The following IKZF2 variants were observed in gnomAD, a reference collection of about 807,000 sequenced individuals.
IKZF2 encodes the protein zinc finger protein Helios.
Under a neutral mutation model 49.2 loss-of-function variants are expected in IKZF2, and 15 were observed. That is an observed-to-expected ratio of 0.30 (90% CI 0.20 to 0.47). IKZF2 has a LOEUF of 0.47. Ranked by LOEUF, IKZF2 falls within the 20% of genes least tolerant of loss-of-function variation. IKZF2 has a pLI of 1.00. For synonymous variants in IKZF2, 227 were observed against 221.4 expected, an observed-to-expected ratio of 1.03 and a Z score of -0.23; for missense variants, 567 against 664.6, an observed-to-expected ratio of 0.85 and a Z score of 1.61.
At chr2:213,065,394 C>A (rs1702074988) in intron 4 of IKZF2, among the ~76,000 whole-genome samples, 1 of 152,022 alleles carries the variant, frequency 6.6e-6, no homozygotes, top group African/African-American at 2.4e-5. Flanking sequence ...TCATTCTATC[C>A]TTACACATAC....
At chr2:213,020,409 G>C (rs1697076710) in intron 7 of IKZF2, among the ~76,000 whole-genome samples, 1 of 151,850 alleles carries the variant, frequency 6.6e-6, no homozygotes, top group African/African-American at 2.4e-5. Flanking sequence ...CTCAAACCCA[G>C]CCTATGAGTG....
rs947481504 is a variant in IKZF2 at position 213,001,056 on chromosome 2, G to A, written c.*6304C>T. 2 of 151,644 alleles carry A rather than the reference G, an allele frequency of 1.3e-5. No homozygotes were observed. Among genetic ancestry groups the A allele is most frequent in the African/African-American group, 4.8e-5 (2 of 41,310 alleles). 9.4% of individuals were successfully genotyped at this position (151,644 alleles called of 1,614,324 possible). ...TTCTTTTTGTCATTAGCTAAAGGAA[G>A]AATAGGTCAGAAAAGAAAAAAAAAT... is the stretch of plus-strand genomic sequence containing the variant. On this transcript the variant is annotated 3_prime_UTR_variant, in exon 9 of 9. Coordinates refer to ENST00000434687, the MANE Select transcript of IKZF2 (RefSeq NM_001387220.1).
chr2:213,014,070 T>C, intron 7 of IKZF2, 136 bp from the exon 8 acceptor site: 4 of 702,546 alleles, frequency 5.7e-6, no homozygotes, highest in Non-Finnish European at 9.5e-6. Flanking sequence ...GAATACCCTC[T>C]AGTGTGAAAG....
Position 213,027,416 on chromosome 2 carries a change from G to A in IKZF2, c.575-5286C>T, listed in dbSNP as rs368291062. ...TCGTCTCACTTTTTATTTTGCTTGT[G>A]TTTCTGTATCCAGTGCCACTTACCC... On this transcript the variant is annotated intron_variant, in intron 6 of 8. Coordinates refer to ENST00000434687, the MANE Select transcript of IKZF2 (RefSeq NM_001387220.1). Among the ~76,000 whole-genome samples, 70 of 152,008 alleles carry A rather than the reference G, an allele frequency of 4.6e-4. 1 individual carries two copies. The South Asian group carries it at 0.013, about 29-fold the overall frequency.
intron 4 of IKZF2, among the ~76,000 whole-genome samples, chr2:213,129,969 G>C (rs2060419376): frequency 6.6e-6 from 1 of 152,154 alleles, no homozygotes; most frequent in African/African-American, 2.4e-5. Context: ...GAAATAAACT[G>C]AGAAAGAGAG....
intron 4 of IKZF2, among the ~76,000 whole-genome samples, chr2:213,101,594 C>T (rs945436074): frequency 6.6e-6 from 1 of 151,926 alleles, no homozygotes; most frequent in African/African-American, 2.4e-5. Context: ...CTTACCTAGG[C>T]TCCAAATTAA....
chr2:213,032,554 T>C (rs948921367), intron 6 of IKZF2, among the ~76,000 whole-genome samples: 1 of 152,042 alleles, frequency 6.6e-6, no homozygotes, highest in Non-Finnish European at 1.5e-5. Context: ...GGCAACATGA[T>C]GAAATCTCAT....
intron 4 of IKZF2, among the ~76,000 whole-genome samples, chr2:213,146,916 T>G (rs1187643979): frequency 6.6e-6 from 1 of 152,162 alleles, no homozygotes; most frequent in South Asian, 2.1e-4. Context: ...GATTTCAAAT[T>G]ACTTTTGAGT....
At position 213,147,767 on chromosome 2, in the gene IKZF2, A is replaced by G. The variant is rs780541971; in HGVS notation, c.80T>C (p.Ile27Thr). The G allele has an allele frequency of 1.2e-5, 20 of 1,614,004 alleles. No individual in the cohort carries two copies. Among genetic ancestry groups the G allele is most frequent in the South Asian group, 5.5e-5 (5 of 91,082 alleles). ...SPEREHSNMAIDLTSSTPNGQ... is the reference protein window; with the variant it reads ...SPEREHSNMATDLTSSTPNGQ... Reference sequence around the variant, plus strand: ...ATTGGGTGTGCTTGAGGTGAGGTCAATTGCCATATTGGAGTGCTCCCTTTC... The same window carrying G: ...ATTGGGTGTGCTTGAGGTGAGGTCAGTTGCCATATTGGAGTGCTCCCTTTC... Residue 27 changes from isoleucine to threonine, a missense_variant, in exon 4 of 9, where the codon ATT becomes ACT. Ile to Thr is a moderately conservative substitution (Grantham distance 89). This residue lies in a region of IKZF2 where 156 missense variants were observed against 138.5 expected (regional missense o/e 1.13). Coordinates refer to ENST00000434687, the MANE Select transcript of IKZF2 (RefSeq NM_001387220.1).
Position 213,005,193 on chromosome 2 carries a change from G to GGGC in IKZF2, c.*2166_*2167insGCC, listed in dbSNP as rs1553539362. ...ATTATTATTTGGGAGTGGTTGGGTG[G>GGGC]GGGGGGGTGAGCGAGTCTCAAAAAC... On this transcript the variant is annotated 3_prime_UTR_variant, in exon 9 of 9. Transcript: ENST00000434687. 2 of 135,190 alleles carry GGGC rather than the reference G, an allele frequency of 1.5e-5. No homozygotes were observed. The highest frequency in any genetic ancestry group is 3.2e-5 in the Non-Finnish European group (2 of 62,028). The allele number at this position is 135,190 out of a possible 1,614,324, so 8.4% of individuals were successfully genotyped here.
chr2:213,130,407 A>G (rs2060437208), intron 4 of IKZF2, among the ~76,000 whole-genome samples: 1 of 152,194 alleles, frequency 6.6e-6, no homozygotes, highest in African/African-American at 2.4e-5. Context: ...ACCTAGAGAC[A>G]TGATCCTGAG....
At position 213,007,943 on chromosome 2, in the gene IKZF2, A is replaced by G. The variant is rs369351228; in HGVS notation, c.998T>C (p.Leu333Pro). The G allele has an allele frequency of 6.2e-7, 1 of 1,613,500 alleles. No individual in the cohort carries two copies. The highest frequency in any genetic ancestry group is 2.2e-5 in the East Asian group (1 of 44,832). Reference protein sequence around the residue: ...NAITYLGAEALHPLMQHPPST... With the variant: ...NAITYLGAEAPHPLMQHPPST... ...TGGCGGGTGCTGCATCAGAGGGTGA[A>G]GGGCCTCAGCTCCAAGGTAGGTGAT... The change falls in exon 9 of 9, where the codon CTT (leucine) becomes CCT (proline). Residue 333 changes from leucine to proline, a missense_variant. Physicochemically the swap from Leu to Pro is moderately conservative, Grantham distance 98. This residue lies in a region of IKZF2 where 310 missense variants were observed against 326.9 expected (regional missense o/e 0.95). Coordinates refer to ENST00000434687, the MANE Select transcript of IKZF2 (RefSeq NM_001387220.1).
intron 4 of IKZF2, among the ~76,000 whole-genome samples, chr2:213,106,272 CCA>C (rs1267567589): frequency 6.6e-6 from 1 of 151,890 alleles, no homozygotes; most frequent in African/African-American, 2.4e-5. Context: ...AAAGACGGCA[CCA>C]ATCTATTTTT....
intron 6 of IKZF2, among the ~76,000 whole-genome samples, chr2:213,022,635 G>A (rs527674798): frequency 6.6e-6 from 1 of 152,082 alleles, no homozygotes; most frequent in Non-Finnish European, 1.5e-5. Flanking sequence ...GAACTCAAGT[G>A]GTGAGAAAAA....
At position 213,073,281 on chromosome 2, in the gene IKZF2, T is replaced by G. The variant is rs145949935; in HGVS notation, c.140-16182A>C. Reference sequence around the variant, plus strand: ...ACCAATCACTGAACTAGAAGTAAGATTCCTAGGTTCTACTGCTGGTTAGTG... The same window carrying G: ...ACCAATCACTGAACTAGAAGTAAGAGTCCTAGGTTCTACTGCTGGTTAGTG... On this transcript the variant is annotated intron_variant, in intron 4 of 8. Transcript: ENST00000434687. Among the ~76,000 whole-genome samples the G allele has an allele frequency of 2.0e-5, 3 of 152,254 alleles. No individual in the cohort carries two copies. The East Asian group carries it at 5.8e-4, about 29-fold the overall frequency.
At position 213,000,352 on chromosome 2, in the gene IKZF2, TTTTC is replaced by T. The variant is rs1244941179; in HGVS notation, c.*7004_*7007del. The T allele has an allele frequency of 1.3e-5, 2 of 150,414 alleles. No homozygotes were observed. The highest frequency in any genetic ancestry group is 4.9e-5 in the African/African-American group (2 of 41,178). 9.3% of individuals were successfully genotyped at this position (150,414 alleles called of 1,614,324 possible). Reference sequence around the variant, plus strand: ...AGGTTTACTGGTTTGACCTATTTTTTTTTCTTTTTTTGCTTCTAAAACACAAAAT... The same window carrying T: ...AGGTTTACTGGTTTGACCTATTTTTTTTTTTTTGCTTCTAAAACACAAAAT... On this transcript the variant is annotated 3_prime_UTR_variant, in exon 9 of 9. Coordinates refer to ENST00000434687, the MANE Select transcript of IKZF2 (RefSeq NM_001387220.1).
chr2:213,052,509 T>C (rs1700770308), intron 5 of IKZF2, among the ~76,000 whole-genome samples: 1 of 152,068 alleles, frequency 6.6e-6, no homozygotes, highest in South Asian at 2.1e-4. Flanking sequence ...TTTATTTGCC[T>C]AACTCCTGTT....
At chr2:213,122,267 G>A (rs532577201) in intron 4 of IKZF2, among the ~76,000 whole-genome samples, 1 of 152,224 alleles carries the variant, frequency 6.6e-6, no homozygotes, top group Non-Finnish European at 1.5e-5. Flanking sequence ...CTATTTTAGT[G>A]ATTGATGGTA....
intron 4 of IKZF2, among the ~76,000 whole-genome samples, chr2:213,080,181 G>GATAA: frequency 6.7e-6 from 1 of 149,892 alleles, no homozygotes; most frequent in Non-Finnish European, 1.5e-5. Context: ...TCTATATAGA[G>GATAA]ATAGATAGAT....
Sources: allele counts gnomAD v4.1 joint callset (sites outside exome capture counted in the v4.1 genomes callset), GRCh38; gene constraint gnomAD v4.1.1; regional missense constraint gnomAD v4.1.1; transcripts MANE v1.5; gene names NCBI Gene and HGNC (gene_info 2026-07-23, HGNC 2026-07-21).